Variants in SLCO5A1 observed in about 807,000 individuals in gnomAD.
The protein encoded by SLCO5A1 is organic anion transporter polypeptide-related protein 4.
In SLCO5A1, 39 loss-of-function variants were observed where a neutral mutation model predicts 65.1. The observed-to-expected ratio is 0.60, with a 90% confidence interval of 0.46 to 0.78. The LOEUF is 0.78. Among genes scored for constraint, SLCO5A1 ranks in the 30% least tolerant of loss-of-function variants. The pLI, the probability that SLCO5A1 is intolerant of heterozygous loss-of-function variation, is 0.00. For synonymous variants in SLCO5A1, 438 were observed against 415.7 expected (o/e 1.05, Z -0.65); for missense variants, 1,029 against 1,069.4 (o/e 0.96, Z 0.53).
intron 2 of SLCO5A1, among the ~76,000 whole-genome samples, chr8:69,828,378 G>A (rs940979521): frequency 2.6e-5 from 4 of 152,190 alleles, no homozygotes; most frequent in African/African-American, 7.2e-5. Context: ...CAAGGCGGGT[G>A]GATCACGAGG....
chr8:69,754,351 T>G (rs1218781808), intron 4 of SLCO5A1, among the ~76,000 whole-genome samples: 1 of 152,176 alleles, frequency 6.6e-6, no homozygotes, highest in Non-Finnish European at 1.5e-5. Flanking sequence ...AAAATTACAG[T>G]CTTTAAAAAT....
intron 6 of SLCO5A1, among the ~76,000 whole-genome samples, chr8:69,697,865 T>G (rs1814566270): frequency 6.6e-6 from 1 of 152,192 alleles, no homozygotes; most frequent in East Asian, 1.9e-4. Flanking sequence ...TTGTTTCAAT[T>G]TTTTTAAACT....
At chr8:69,768,709 C>T (rs1044804308) in intron 2 of SLCO5A1, among the ~76,000 whole-genome samples, 1 of 152,080 alleles carries the variant, frequency 6.6e-6, no homozygotes, top group East Asian at 1.9e-4. Context: ...GATTAGGGAC[C>T]AGGCACATGA....
At chr8:69,824,067 T>C (rs1369715558) in intron 2 of SLCO5A1, among the ~76,000 whole-genome samples, 2 of 152,106 alleles carry the variant, frequency 1.3e-5, no homozygotes, top group African/African-American at 4.8e-5. Context: ...AAAGATGTTC[T>C]TTGAAACCAA....
intron 5 of SLCO5A1, among the ~76,000 whole-genome samples, chr8:69,708,023 C>T (rs985006282): frequency 5.3e-5 from 8 of 152,038 alleles, no homozygotes; most frequent in African/African-American, 1.2e-4. Context: ...ATGAGATGTT[C>T]CAACAAGACG....
chr8:69,671,947 G>A lies in SLCO5A1; in HGVS notation c.*922C>T, dbSNP rs1813343721. 1 of 152,158 alleles carries A rather than the reference G, an allele frequency of 6.6e-6. No homozygotes were observed. The highest frequency in any genetic ancestry group is 1.5e-5 in the Non-Finnish European group (1 of 68,014). 9.4% of individuals were successfully genotyped at this position (152,158 alleles called of 1,614,324 possible). On this transcript the variant is annotated 3_prime_UTR_variant, in exon 10 of 10. Coordinates refer to ENST00000260126, the MANE Select transcript of SLCO5A1 (RefSeq NM_030958.3). ...CAAGATGTAACTAAAATACTCAGGT[G>A]GGACTTTTCCCAGTGACTTTGTGGG...
intron 2 of SLCO5A1, among the ~76,000 whole-genome samples, chr8:69,821,852 C>A (rs1325251631): frequency 1.3e-5 from 2 of 150,160 alleles, no homozygotes; most frequent in African/African-American, 4.9e-5. Context: ...TATGGCCAGG[C>A]ACAGTATCTC....
chr8:69,815,647 A>AACACACACACACAC (rs55665513), intron 2 of SLCO5A1, among the ~76,000 whole-genome samples: 54 of 141,298 alleles, frequency 3.8e-4, no homozygotes, highest in East Asian at 1.0e-3. Context: ...GTAAAATATC[A>AACACACACACACAC]ACACACACAC....
At chr8:69,696,268 G>A (rs1437090522) in intron 6 of SLCO5A1, among the ~76,000 whole-genome samples, 1 of 152,172 alleles carries the variant, frequency 6.6e-6, no homozygotes, top group African/African-American at 2.4e-5. Context: ...GGGTTAAAAG[G>A]AAAGCATGAC....
chr8:69,758,936 C>T (rs753694960), intron 3 of SLCO5A1, among the ~76,000 whole-genome samples: 41 of 152,184 alleles, frequency 2.7e-4, no homozygotes, highest in Non-Finnish European at 5.7e-4. Context: ...AGTTTCTTTT[C>T]CCAGCTCTCA....
At chr8:69,758,426 C>G (rs973089434) in intron 3 of SLCO5A1, among the ~76,000 whole-genome samples, 3 of 152,068 alleles carry the variant, frequency 2.0e-5, no homozygotes, top group African/African-American at 7.2e-5. Flanking sequence ...GTGATCTGCC[C>G]GCCTCAGCTT....
intron 2 of SLCO5A1, among the ~76,000 whole-genome samples, chr8:69,788,821 T>G (rs1819143808): frequency 6.6e-6 from 1 of 152,204 alleles, no homozygotes; most frequent in South Asian, 2.1e-4. Context: ...CCAACTAAAT[T>G]TATAGTCTTA....
intron 4 of SLCO5A1, among the ~76,000 whole-genome samples, chr8:69,740,145 A>G (rs1365402467): frequency 6.6e-6 from 1 of 152,210 alleles, no homozygotes; most frequent in Non-Finnish European, 1.5e-5. Flanking sequence ...GTTATCTAAG[A>G]AGAATTAGCA....
At chr8:69,750,474 C>T (rs778562726) in intron 4 of SLCO5A1, among the ~76,000 whole-genome samples, 47 of 152,252 alleles carry the variant, frequency 3.1e-4, no homozygotes, top group African/African-American at 6.3e-4. Flanking sequence ...CTAGAACTCA[C>T]GCTCTCCACC....
chr8:69,754,283 A>C (rs1295918364), intron 4 of SLCO5A1, among the ~76,000 whole-genome samples: 1 of 152,222 alleles, frequency 6.6e-6, no homozygotes, highest in Non-Finnish European at 1.5e-5. Flanking sequence ...AGAGGGCCAC[A>C]TCTAAAATGT....
intron 2 of SLCO5A1, among the ~76,000 whole-genome samples, chr8:69,810,182 G>C (rs1009691358): frequency 6.6e-6 from 1 of 152,172 alleles, no homozygotes; most frequent in Non-Finnish European, 1.5e-5. Context: ...CATGCTGGAG[G>C]GTAGAGCCAA....
At chr8:69,772,847 G>T in intron 2 of SLCO5A1, 5 of 796,552 alleles carry the variant, frequency 6.3e-6, no homozygotes, top group Non-Finnish European at 7.6e-6. Context: ...AAGGCACTGG[G>T]ACAGGGAGGG....
At chr8:69,730,026 G>A (rs944238185) in intron 5 of SLCO5A1, among the ~76,000 whole-genome samples, 4 of 152,156 alleles carry the variant, frequency 2.6e-5, no homozygotes, top group African/African-American at 9.7e-5. Context: ...GATTTTTCTT[G>A]ATTATCTACT....
chr8:69,782,714 C>T (rs1004378784), intron 2 of SLCO5A1, among the ~76,000 whole-genome samples: 5 of 151,948 alleles, frequency 3.3e-5, no homozygotes, highest in African/African-American at 4.8e-5. Context: ...CACAACACTT[C>T]AATTTATAGC....
Sources: allele counts gnomAD v4.1 joint callset (sites outside exome capture counted in the v4.1 genomes callset), GRCh38; gene constraint gnomAD v4.1.1; transcripts MANE v1.5; gene names NCBI Gene and HGNC (gene_info 2026-07-23, HGNC 2026-07-21).